The following PTPRG variants were observed in gnomAD, a reference collection of about 807,000 sequenced individuals.
PTPRG encodes the protein receptor-type tyrosine-protein phosphatase gamma.
A neutral mutation model predicts 165.3 loss-of-function variants in PTPRG; 102 were observed. That is an observed-to-expected ratio of 0.62 (90% CI 0.53 to 0.73). The LOEUF is 0.73. Among genes scored for constraint, PTPRG ranks in the 30% least tolerant of loss-of-function variants. The pLI is 0.00. For synonymous variants in PTPRG, 675 were observed against 669.5 expected (o/e 1.01, Z -0.13); for missense variants, 1,866 against 1,861.4 (o/e 1.00, Z -0.05).
Position 61,612,531 on chromosome 3 carries a change from C to T in PTPRG, c.85+50159C>T, listed in dbSNP as rs113616532. 2.4e-3 allele frequency among the ~76,000 whole-genome samples: 364 copies of T among 152,260 alleles called. 1 individual carries two copies. Among genetic ancestry groups the T allele is most frequent in the African/African-American group, 8.3e-3 (345 of 41,528 alleles). ...TGTGAGCCCAGGTAGGTGCTGGGCA[C>T]GAATTGCCTGATGGACTCTCTGAGA... is the stretch of plus-strand genomic sequence containing the variant. On this transcript the variant is annotated intron_variant, in intron 1 of 29. Transcript: ENST00000474889.
At chr3:61,991,111 C>A (rs2040877099) in intron 3 of PTPRG, among the ~76,000 whole-genome samples, 1 of 152,196 alleles carries the variant, frequency 6.6e-6, no homozygotes, top group African/African-American at 2.4e-5. Context: ...AATTCTGCTT[C>A]CTGTGTTATA....
intron 21 of PTPRG, among the ~76,000 whole-genome samples, chr3:62,272,300 T>C (rs899099546): frequency 5.9e-5 from 9 of 152,222 alleles, no homozygotes; most frequent in Non-Finnish European, 1.2e-4. Context: ...TTTAAATTTT[T>C]AGTTTAAATG....
At chr3:61,749,644 CA>C (rs1353384651) in intron 2 of PTPRG, 1 of 154,016 alleles carries the variant, frequency 6.5e-6, no homozygotes, top group Non-Finnish European at 1.4e-5. Context: ...TTAGGCTTCC[CA>C]AAACTCCCAA....
At chr3:62,198,362 A>G (rs950536002) in intron 10 of PTPRG, among the ~76,000 whole-genome samples, 2 of 152,198 alleles carry the variant, frequency 1.3e-5, no homozygotes, top group Non-Finnish European at 2.9e-5. Context: ...TCTTATTGCA[A>G]AGCCCAATCA....
chr3:62,218,347 G>C (rs1423864888), intron 12 of PTPRG, among the ~76,000 whole-genome samples: 1 of 152,172 alleles, frequency 6.6e-6, no homozygotes, highest in Non-Finnish European at 1.5e-5. Flanking sequence ...AAAGAGTAAG[G>C]GATGCTGAGC....
chr3:61,964,293 G>A (rs906364416), intron 2 of PTPRG, among the ~76,000 whole-genome samples: 6 of 152,194 alleles, frequency 3.9e-5, no homozygotes, highest in Non-Finnish European at 8.8e-5. Context: ...GACTTGGAGA[G>A]GATAAAATTA....
At chr3:61,731,751 G>T (rs1469007821) in intron 1 of PTPRG, among the ~76,000 whole-genome samples, 3 of 151,464 alleles carry the variant, frequency 2.0e-5, no homozygotes, top group Non-Finnish European at 4.4e-5. Context: ...TTTTTCTGTA[G>T]TTCTCCACTG....
intron 2 of PTPRG, among the ~76,000 whole-genome samples, chr3:61,908,411 CA>C (rs776421819): frequency 0.027 from 1,584 of 57,732 alleles, 13 homozygotes; most frequent in African/African-American, 0.072. Flanking sequence ...GGCAACAGAG[CA>C]AAAAAAAAAA....
chr3:61,875,957 T>C (rs2037728288), intron 2 of PTPRG, among the ~76,000 whole-genome samples: 1 of 152,144 alleles, frequency 6.6e-6, no homozygotes. Context: ...GTCTCTACTT[T>C]TGAAAATCTT....
At chr3:61,992,054 A>G (rs920275968) in intron 3 of PTPRG, among the ~76,000 whole-genome samples, 4 of 152,170 alleles carry the variant, frequency 2.6e-5, no homozygotes, top group African/African-American at 9.6e-5. Flanking sequence ...AGTCTCAGAA[A>G]TTTCAGAAGC....
intron 1 of PTPRG, among the ~76,000 whole-genome samples, chr3:61,617,768 T>C (rs778162326): frequency 6.7e-5 from 10 of 149,802 alleles, no homozygotes; most frequent in Non-Finnish European, 1.3e-4. Context: ...AACGGTCTCT[T>C]TACTTCTGTG....
intron 2 of PTPRG, among the ~76,000 whole-genome samples, chr3:61,985,586 A>T (rs1352134668): frequency 6.6e-6 from 1 of 152,110 alleles, no homozygotes; most frequent in Non-Finnish European, 1.5e-5. Context: ...GGCAGCTTAA[A>T]TTGTCCAAGG....
At chr3:62,278,902 A>T (rs1702329565) in intron 26 of PTPRG, among the ~76,000 whole-genome samples, 2 of 152,084 alleles carry the variant, frequency 1.3e-5, no homozygotes. Flanking sequence ...GTCACTTAAC[A>T]GAGGGCAATC....
chr3:62,114,503 T>A (rs983379326), intron 5 of PTPRG, among the ~76,000 whole-genome samples: 14 of 152,198 alleles, frequency 9.2e-5, no homozygotes, highest in African/African-American at 3.4e-4. Context: ...TTTCTTGTGC[T>A]TTTATGATAT....
At chr3:62,067,861 G>A (rs1204588798) in intron 4 of PTPRG, among the ~76,000 whole-genome samples, 1 of 152,134 alleles carries the variant, frequency 6.6e-6, no homozygotes, top group African/African-American at 2.4e-5. Context: ...CCCTCAAAGA[G>A]TGACAACCAA....
chr3:62,008,124 C>G (rs2041339423), intron 4 of PTPRG, among the ~76,000 whole-genome samples: 1 of 152,210 alleles, frequency 6.6e-6, no homozygotes, highest in Admixed American at 6.5e-5. Flanking sequence ...CTATTCCACA[C>G]TCATTCCTGT....
chr3:62,093,759 T>C (rs1392615225), intron 5 of PTPRG, among the ~76,000 whole-genome samples: 3 of 152,196 alleles, frequency 2.0e-5, no homozygotes, highest in Non-Finnish European at 2.9e-5. Flanking sequence ...CCTGGGAAGA[T>C]AGCTCCAGAG....
At chr3:62,034,596 G>C (rs896368717) in intron 4 of PTPRG, among the ~76,000 whole-genome samples, 5 of 152,194 alleles carry the variant, frequency 3.3e-5, no homozygotes, top group Non-Finnish European at 5.9e-5. Context: ...CTTAGAGGTA[G>C]ATATCCATTA....
intron 2 of PTPRG, among the ~76,000 whole-genome samples, chr3:61,892,060 G>T (rs770249725): frequency 3.3e-5 from 5 of 152,120 alleles, no homozygotes; most frequent in Non-Finnish European, 5.9e-5. Flanking sequence ...TTTGAAGAAA[G>T]ATTTTTCATT....
Sources: gnomAD v4.1 joint callset for allele counts (sites outside exome capture counted in the v4.1 genomes callset) on GRCh38, gnomAD v4.1.1 for gene constraint, MANE v1.5 for transcripts, NCBI Gene and HGNC (gene_info 2026-07-23, HGNC 2026-07-21) for gene names.